PPARA: variants seen among roughly 807,000 people sequenced by gnomAD.
PPARA encodes the protein peroxisome proliferator activated receptor alpha.
A neutral mutation model predicts 42.2 loss-of-function variants in PPARA; 22 were observed. The ratio of observed to expected loss-of-function variants is 0.52; its 90% CI spans 0.37 to 0.74. PPARA has a LOEUF of 0.74. Among genes scored for constraint, PPARA ranks in the 30% least tolerant of loss-of-function variants. The pLI, the probability that PPARA is intolerant of heterozygous loss-of-function variation, is 0.00. For synonymous variants in PPARA, 242 were observed against 239.3 expected, an observed-to-expected ratio of 1.01 and a Z score of -0.10; for missense variants, 465 against 608.2, an observed-to-expected ratio of 0.76 and a Z score of 2.48.
chr22:46,172,342 A>T (rs912437056), intron 2 of PPARA, among the ~76,000 whole-genome samples: 1 of 146,134 alleles, frequency 6.8e-6, no homozygotes, highest in Non-Finnish European at 1.5e-5. Context: ...AAAAAAAAAC[A>T]GCATTGGGCC....
rs1315034568 is a variant in PPARA at position 46,193,873 on chromosome 22, G to T, written c.-42-4469G>T. 6.6e-6 allele frequency among the ~76,000 whole-genome samples: 1 copy of T among 152,224 alleles called. No homozygotes were observed. Among genetic ancestry groups the T allele is most frequent in the Admixed American group, 6.5e-5 (1 of 15,288 alleles). Reference sequence around the variant, plus strand: ...AGAGGTTGCAGTTGTTGAGAAAAGGGATGGTTGGTTATGCCTTGATCCCCC... The same window carrying T: ...AGAGGTTGCAGTTGTTGAGAAAAGGTATGGTTGGTTATGCCTTGATCCCCC... On this transcript the variant is annotated intron_variant, in intron 3 of 8. Transcript: ENST00000407236. This position sits in a 1 kb window ranked among gnomAD's most constrained non-coding sequence, Gnocchi z 5.3.
At position 46,195,262 on chromosome 22, in the gene PPARA, C is replaced by A. The variant is rs1178748709; in HGVS notation, c.-42-3080C>A. ...GGTTAATACAGTTAGTTAGTGACTG[C>A]AACTTTTGAACTTTTTGTTCATAGT... is the stretch of plus-strand genomic sequence containing the variant. On this transcript the variant is annotated intron_variant, in intron 3 of 8. Transcript: ENST00000407236. The surrounding 1 kb of genome is among the most constrained non-coding windows in gnomAD (Gnocchi z 4.6). 6.6e-6 allele frequency among the ~76,000 whole-genome samples: 1 copy of A among 152,114 alleles called. No homozygotes were observed. The highest frequency in any genetic ancestry group is 2.4e-5 in the African/African-American group (1 of 41,422).
chr22:46,199,559 A>G (rs1039275945), intron 4 of PPARA, among the ~76,000 whole-genome samples: 7 of 152,120 alleles, frequency 4.6e-5, no homozygotes, highest in Non-Finnish European at 2.9e-5. Context: ...GAGGAGGACC[A>G]CTTGAGCCCA....
chr22:46,232,823 A>T lies in PPARA; in HGVS notation c.1159+584A>T, dbSNP rs1185588830. On this transcript the variant is annotated intron_variant, in intron 8 of 8. Transcript: ENST00000407236. The surrounding 1 kb of genome is among the most constrained non-coding windows in gnomAD (Gnocchi z 5.3). ...AGACCCCGTCTCTACAAAAAAAAAA[A>T]TAGAAAAAATTAGTCAAGTATGGTG... 1.3e-5 allele frequency among the ~76,000 whole-genome samples: 2 copies of T among 150,844 alleles called. No individual in the cohort carries two copies. Among genetic ancestry groups the T allele is most frequent in the African/African-American group, 4.9e-5 (2 of 41,016 alleles).
intron 3 of PPARA, among the ~76,000 whole-genome samples, chr22:46,197,544 G>T (rs1342000906): frequency 6.6e-6 from 1 of 152,200 alleles, no homozygotes; most frequent in Non-Finnish European, 1.5e-5. Flanking sequence ...GAGAGGCTCA[G>T]TGGTGCTCCT....
intron 7 of PPARA, among the ~76,000 whole-genome samples, chr22:46,226,787 G>A (rs1049330576): frequency 2.0e-5 from 3 of 152,140 alleles, no homozygotes; most frequent in African/African-American, 4.8e-5. Context: ...GCAGGAGGAT[G>A]GAGGTCAAGA....
chr22:46,231,245 G>T lies in PPARA; in HGVS notation c.712-547G>T, dbSNP rs1445476394. On this transcript the variant is annotated intron_variant, in intron 7 of 8. Transcript: ENST00000407236. The surrounding 1 kb of genome is among the most constrained non-coding windows in gnomAD (Gnocchi z 7.7). ...ATTTTTTTTTTTTTTTTGAGACGGA[G>T]TCTCGCTCTGTCACCCAGGCTGGAG... Among the ~76,000 whole-genome samples the T allele has an allele frequency of 2.0e-5, 3 of 150,044 alleles. No individual in the cohort carries two copies. The highest frequency in any genetic ancestry group is 4.9e-5 in the African/African-American group (2 of 40,770).
chr22:46,197,935 A>G lies in PPARA; in HGVS notation c.-42-407A>G, dbSNP rs1366899921. On this transcript the variant is annotated intron_variant, in intron 3 of 8. Transcript: ENST00000407236. ...TAAAAAAAATTAAAAATTAAAATTT[A>G]AAATTAAAACAAACAGCCGGACGCA... Among the ~76,000 whole-genome samples the G allele has an allele frequency of 2.6e-5, 4 of 150,996 alleles. No individual in the cohort carries two copies. The East Asian group carries it at 7.9e-4, about 30-fold the overall frequency.
Position 46,238,781 on chromosome 22 carries a change from C to T in PPARA, c.*3401C>T, listed in dbSNP as rs913460698. 1.3e-5 allele frequency: 2 copies of T among 152,638 alleles called. No individual in the cohort carries two copies. Among genetic ancestry groups the T allele is most frequent in the Non-Finnish European group, 2.9e-5 (2 of 68,372 alleles). The allele number at this position is 152,638 out of a possible 1,614,324, so 9.5% of individuals were successfully genotyped here. A position where few individuals can be genotyped will look rare whatever the true frequency, so the allele number is the denominator to read the frequency against. On this transcript the variant is annotated 3_prime_UTR_variant, in exon 9 of 9. Transcript: ENST00000407236. The surrounding 1 kb of genome is among the most constrained non-coding windows in gnomAD (Gnocchi z 8.3). ...CCTCCTGGCACTTCCAGCTGGGTGT[C>T]CCACATGTTGGATTCCGTCCCCACC... is the stretch of plus-strand genomic sequence containing the variant.
In PPARA at chr22:46,233,944, C is replaced by T. The variant is rs1415318218; in HGVS notation, c.1160-1189C>T. Among the ~76,000 whole-genome samples, 1 of 152,076 alleles carries T rather than the reference C, an allele frequency of 6.6e-6. No homozygotes were observed. Among genetic ancestry groups the T allele is most frequent in the Non-Finnish European group, 1.5e-5 (1 of 68,026 alleles). ...GTTCAAGTGATTCGCCTGCCTCAGC[C>T]TCCTGAGTAGCTGAGATTACAGGAA... is the stretch of plus-strand genomic sequence containing the variant. On this transcript the variant is annotated intron_variant, in intron 8 of 8. Transcript: ENST00000407236. This position sits in a 1 kb window ranked among gnomAD's most constrained non-coding sequence, Gnocchi z 7.3.
At chr22:46,215,722 A>G (rs1934420422) in intron 5 of PPARA, among the ~76,000 whole-genome samples, 1 of 151,710 alleles carries the variant, frequency 6.6e-6, no homozygotes, top group African/African-American at 2.4e-5. Context: ...AGCCTGGGCA[A>G]CAAGAGTGAG....
At chr22:46,215,034 C>T in intron 4 of PPARA, 139 bp from the exon 5 acceptor site, 2 of 1,027,980 alleles carry the variant, frequency 1.9e-6, no homozygotes, top group Admixed American at 4.0e-5. Flanking sequence ...AGAGGCAGGG[C>T]CCGGCCCCGC....
intron 7 of PPARA, among the ~76,000 whole-genome samples, chr22:46,229,271 C>T (rs751513345): frequency 4.0e-5 from 6 of 151,676 alleles, no homozygotes; most frequent in Non-Finnish European, 5.9e-5. Flanking sequence ...TCCTAGAGGC[C>T]GGGCACAGTG....
intron 3 of PPARA, 81 bp downstream of exon 3, chr22:46,176,917 A>G (rs991134503): frequency 3.3e-5 from 5 of 152,236 alleles, no homozygotes; most frequent in African/African-American, 1.2e-4. Context: ...GCACTTTTAA[A>G]AAGAATCTGT....
At chr22:46,175,284 A>G (rs1171430704) in intron 2 of PPARA, among the ~76,000 whole-genome samples, 1 of 152,238 alleles carries the variant, frequency 6.6e-6, no homozygotes, top group Non-Finnish European at 1.5e-5. Flanking sequence ...CATTGATACC[A>G]TCAAGATACA....
chr22:46,205,554 A>ATATATATATATATATATT (rs1569226294), intron 4 of PPARA, among the ~76,000 whole-genome samples: 1 of 12,932 alleles, frequency 7.7e-5, no homozygotes, highest in Non-Finnish European at 1.5e-4. Context: ...ATATATATAT[A>ATATATATATATATATATT]TTTTTTTTTT....
At chr22:46,153,466 G>A (rs1380910360) in intron 2 of PPARA, among the ~76,000 whole-genome samples, 1 of 152,090 alleles carries the variant, frequency 6.6e-6, no homozygotes, top group Non-Finnish European at 1.5e-5. Context: ...ACCGCGCCGG[G>A]CCCTTTTCCG....
rs1930417991 is a variant in PPARA at position 46,184,685 on chromosome 22, T to C, written c.-43+7849T>C. ...GCCTGGCCAATATGGCAAAACCTCT[T>C]CTCTACAAAAAATACAAAAATTAGC... On this transcript the variant is annotated intron_variant, in intron 3 of 8. Transcript: ENST00000407236. The surrounding 1 kb of genome is among the most constrained non-coding windows in gnomAD (Gnocchi z 4.4). 6.6e-6 allele frequency among the ~76,000 whole-genome samples: 1 copy of C among 152,076 alleles called. No individual in the cohort carries two copies. Among genetic ancestry groups the C allele is most frequent in the Non-Finnish European group, 1.5e-5 (1 of 68,020 alleles).
rs1931765775 is a variant in PPARA at position 46,193,019 on chromosome 22, C to T, written c.-42-5323C>T. On this transcript the variant is annotated intron_variant, in intron 3 of 8. Transcript: ENST00000407236. This position sits in a 1 kb window ranked among gnomAD's most constrained non-coding sequence, Gnocchi z 5.3. ...GGGCAGTGAAGATGGTTAACAGGTA[C>T]AAAAAACTAGAAAGAATGAATAAGA... Among the ~76,000 whole-genome samples the T allele has an allele frequency of 6.6e-6, 1 of 152,050 alleles. No individual in the cohort carries two copies. The highest frequency in any genetic ancestry group is 1.5e-5 in the Non-Finnish European group (1 of 68,002).
Sources: gnomAD v4.1 joint callset for allele counts (sites outside exome capture counted in the v4.1 genomes callset) on GRCh38, gnomAD v4.1.1 for gene constraint, Gnocchi (gnomAD v3.1) non-coding constraint, MANE v1.5 for transcripts, NCBI Gene and HGNC (gene_info 2026-07-23, HGNC 2026-07-21) for gene names.